The following HBP1 variants were observed in gnomAD, a reference collection of about 807,000 sequenced individuals.
HBP1 encodes the protein HMG box-containing protein 1.
Under a neutral mutation model 62.6 loss-of-function variants are expected in HBP1, and 20 were observed. The ratio of observed to expected loss-of-function variants is 0.32; its 90% CI spans 0.22 to 0.46. HBP1 has a LOEUF of 0.46. Among genes scored for constraint, HBP1 ranks in the 20% least tolerant of loss-of-function variants. The pLI, the probability that HBP1 is intolerant of heterozygous loss-of-function variation, is 1.00. For missense variants in HBP1, 480 were observed against 611.8 expected (o/e 0.78, Z 2.27); for synonymous variants, 232 against 206.2 (o/e 1.12, Z -1.07).
At chr7:107,177,148 C>G (rs950776376) in intron 1 of HBP1, among the ~76,000 whole-genome samples, 1 of 152,134 alleles carries the variant, frequency 6.6e-6, no homozygotes, top group Non-Finnish European at 1.5e-5. Flanking sequence ...TCATTTTACA[C>G]TTTTTTCACT....
chr7:107,189,272 C>T lies in HBP1; in HGVS notation c.766-20C>T, dbSNP rs202029029. 14 of 1,596,942 alleles carry T rather than the reference C, an allele frequency of 8.8e-6. No homozygotes were observed. In the South Asian group the frequency reaches 1.0e-4, roughly 11 times the overall value. Reference sequence around the variant, plus strand: ...GAATTGAACATTTCCAATTCATTCACGCTATGCATATATTTTCAGGGCTAT... The same window carrying T: ...GAATTGAACATTTCCAATTCATTCATGCTATGCATATATTTTCAGGGCTAT... On this transcript the variant is annotated intron_variant, in intron 6 of 10. Coordinates refer to ENST00000222574, the MANE Select transcript of HBP1 (RefSeq NM_012257.4).
chr7:107,190,602 G>A (rs187780855), intron 8 of HBP1, among the ~76,000 whole-genome samples: 5 of 151,982 alleles, frequency 3.3e-5, no homozygotes, highest in Middle Eastern at 3.2e-3. Flanking sequence ...GAGTTTAATG[G>A]TTCAGCTTTG....
At position 107,195,231 on chromosome 7, in the gene HBP1, A is replaced by G. The variant is rs967896060; in HGVS notation, c.1068-603A>G. On this transcript the variant is annotated intron_variant, in intron 8 of 10. Coordinates refer to ENST00000222574, the MANE Select transcript of HBP1 (RefSeq NM_012257.4). ...GAGATGGGGTTTCACCATGTTGCCC[A>G]GGCTGGTCTTAAACTCCTGACCTCA... Among the ~76,000 whole-genome samples, 4 of 152,186 alleles carry G rather than the reference A, an allele frequency of 2.6e-5. No homozygotes were observed. The South Asian group carries it at 8.3e-4, about 31-fold the overall frequency.
At chr7:107,176,451 A>G (rs954975821) in intron 1 of HBP1, among the ~76,000 whole-genome samples, 2 of 152,218 alleles carry the variant, frequency 1.3e-5, no homozygotes, top group Non-Finnish European at 2.9e-5. Flanking sequence ...ATTGCAACTA[A>G]TACAATGCCC....
chr7:107,172,451 A>C (rs779215004), intron 1 of HBP1, among the ~76,000 whole-genome samples: 11 of 152,162 alleles, frequency 7.2e-5, no homozygotes, highest in Non-Finnish European at 1.6e-4. Context: ...GAAGCACCAA[A>C]GTTTAGGAAA....
chr7:107,174,758 A>C, intron 1 of HBP1: 1 of 960,556 alleles, frequency 1.0e-6, no homozygotes, highest in South Asian at 4.8e-5. Flanking sequence ...AAAAATGGGA[A>C]ATGTTTTCAG....
intron 6 of HBP1, among the ~76,000 whole-genome samples, chr7:107,188,646 T>C (rs938894450): frequency 6.6e-6 from 1 of 152,200 alleles, no homozygotes; most frequent in African/African-American, 2.4e-5. Flanking sequence ...TCTGGTTCTA[T>C]TACTATTGCA....
At chr7:107,181,065 A>G (rs1797080510) in intron 2 of HBP1, among the ~76,000 whole-genome samples, 1 of 152,188 alleles carries the variant, frequency 6.6e-6, no homozygotes, top group African/African-American at 2.4e-5. Context: ...TATCAGCATG[A>G]AAATTGTAGG....
Position 107,196,431 on chromosome 7 carries a change from G to A in HBP1, c.1385+280G>A, listed in dbSNP as rs558483530. 86 of 380,950 alleles carry A rather than the reference G, an allele frequency of 2.3e-4. 1 individual carries two copies. The highest frequency in any genetic ancestry group is 1.7e-3 in the South Asian group (81 of 47,886). The allele number at this position is 380,950 out of a possible 1,614,324, so 23.6% of individuals were successfully genotyped here. A position where few individuals can be genotyped will look rare whatever the true frequency, so the allele number is the denominator to read the frequency against. On this transcript the variant is annotated intron_variant, in intron 9 of 10. Coordinates refer to ENST00000222574, the MANE Select transcript of HBP1 (RefSeq NM_012257.4). ...CTACAGGCGCCCACCACCATACCTG[G>A]CTAATTTTTTGTATTTTTAGTAGAG...
At chr7:107,190,025 T>C (rs145948393) in intron 7 of HBP1, 148 bp from the exon 8 acceptor site, 14 of 585,328 alleles carry the variant, frequency 2.4e-5, no homozygotes, top group African/African-American at 2.1e-4. Context: ...TCTAGTACTT[T>C]ATTGTAAAGA....
chr7:107,199,971 G>T (rs1387930884), intron 9 of HBP1, among the ~76,000 whole-genome samples, 189 bp from the exon 10 acceptor site: 3 of 152,314 alleles, frequency 2.0e-5, no homozygotes, highest in South Asian at 2.1e-4. Context: ...TGCTGATACG[G>T]AACAATGGAT....
chr7:107,180,153 A>G, intron 2 of HBP1, 91 bp downstream of exon 2: 1 of 690,448 alleles, frequency 1.4e-6, no homozygotes, highest in Admixed American at 2.4e-5. Flanking sequence ...TTGACTGGCT[A>G]GAAAGGGATA....
At chr7:107,197,974 T>TTTAA (rs1381265674) in intron 9 of HBP1, among the ~76,000 whole-genome samples, 2 of 152,308 alleles carry the variant, frequency 1.3e-5, no homozygotes, top group African/African-American at 2.4e-5. Flanking sequence ...ACTTCTGGTA[T>TTTAA]TTAATTATTA....
At chr7:107,191,318 T>A (rs992133707) in intron 8 of HBP1, among the ~76,000 whole-genome samples, 4 of 152,192 alleles carry the variant, frequency 2.6e-5, no homozygotes, top group Non-Finnish European at 5.9e-5. Flanking sequence ...TATACACTCT[T>A]TTTTGAAAAA....
intron 1 of HBP1, among the ~76,000 whole-genome samples, chr7:107,176,860 TGTGATC>T (rs1327869018): frequency 7.9e-5 from 12 of 152,318 alleles, no homozygotes; most frequent in Non-Finnish European, 1.8e-4. Context: ...TAAGACTGAT[TGTGATC>T]AGTACATTGT....
intron 3 of HBP1, among the ~76,000 whole-genome samples, chr7:107,182,844 A>AAATT (rs1797174512): frequency 1.3e-5 from 2 of 152,352 alleles, no homozygotes; most frequent in Admixed American, 6.5e-5. Context: ...TGTTTAAAAT[A>AAATT]AATTAGACCA....
chr7:107,196,739 C>G (rs1797923836), intron 9 of HBP1: 1 of 157,214 alleles, frequency 6.4e-6, no homozygotes, highest in Non-Finnish European at 1.4e-5. Context: ...GCCTGTATCT[C>G]CCAGGCTCAA....
intron 1 of HBP1, among the ~76,000 whole-genome samples, chr7:107,172,398 T>A (rs1796641194): frequency 6.6e-6 from 1 of 152,094 alleles, no homozygotes; most frequent in African/African-American, 2.4e-5. Context: ...ATGGAGAAAA[T>A]TATGTTTCTA....
chr7:107,171,100 T>A (rs973983036), intron 1 of HBP1, among the ~76,000 whole-genome samples: 1 of 123,110 alleles, frequency 8.1e-6, no homozygotes, highest in Non-Finnish European at 1.6e-5. Flanking sequence ...AGAGGGAGTC[T>A]CGCTCTGTCG....
Sources: gnomAD v4.1 joint callset for allele counts (sites outside exome capture counted in the v4.1 genomes callset) on GRCh38, gnomAD v4.1.1 for gene constraint, MANE v1.5 for transcripts, NCBI Gene and HGNC (gene_info 2026-07-23, HGNC 2026-07-21) for gene names.